SPG11: variants seen among roughly 807,000 people sequenced by gnomAD.
SPG11 encodes the protein SPG11 vesicle trafficking associated, spatacsin.
A neutral mutation model predicts 274.0 loss-of-function variants in SPG11; 222 were observed. The observed-to-expected ratio is 0.81, with a 90% CI of 0.73 to 0.91. The LOEUF (loss-of-function observed/expected upper bound fraction) is 0.91, where lower values mean the gene tolerates loss of function less well. SPG11 is among the 40% of genes least tolerant of loss of function. SPG11 has a pLI of 0.00. For missense variants in SPG11, 3,114 were observed against 2,872.7 expected (o/e 1.08, Z -1.92); for synonymous variants, 1,144 against 1,039.7 (o/e 1.10, Z -1.93).
chr15:44,620,552 CTTTT>C lies in SPG11; in HGVS notation c.2621-153_2621-150del, dbSNP rs137921465. ...TCAGGTCCTCTGTTTTACTATTTTC[CTTTT>C]TTTGAGACAGGATCTCGCTGTGTTG... On this transcript the variant is annotated intron_variant, in intron 14 of 39. Transcript: ENST00000261866. 15,855 of 684,032 alleles carry C rather than the reference CTTTT, an allele frequency of 0.023. 661 individuals are homozygous for C. Among genetic ancestry groups the C allele is most frequent in the African/African-American group, 0.12 (6,662 of 55,094 alleles). 42.4% of individuals were successfully genotyped at this position (684,032 alleles called of 1,614,324 possible).
rs1222135297 is a variant in SPG11, at chr15:44,659,199, C to T, written c.547G>A (p.Ala183Thr). 2 of 1,614,042 alleles carry T rather than the reference C, an allele frequency of 1.2e-6. No individual in the cohort carries two copies. The highest frequency in any genetic ancestry group is 1.7e-5 in the Admixed American group (1 of 60,012). Residue 183 changes from alanine to threonine, a missense_variant, in exon 3 of 40, where the codon GCT (alanine) becomes ACT (threonine). Transcript: ENST00000261866. ...ILHIIFPERD[A>T]AIRVLNCFTL... ...AAACAGTTGAGTACTCTAATTGCAGCATCTCTTTCAGGAAATATAATATGT... is the reference window on the plus strand; with the variant it reads ...AAACAGTTGAGTACTCTAATTGCAGTATCTCTTTCAGGAAATATAATATGT...
intron 2 of SPG11, 42 bp downstream of exon 2, chr15:44,660,390 C>G: frequency 6.3e-7 from 1 of 1,582,346 alleles, no homozygotes; most frequent in South Asian, 1.1e-5. Context: ...ATGGTAATGT[C>G]ACAAATTTAA....
chr15:44,575,159 C>A, intron 30 of SPG11, 118 bp from the exon 31 acceptor site: 1 of 1,290,360 alleles, frequency 7.7e-7, no homozygotes, highest in Non-Finnish European at 1.1e-6. Flanking sequence ...ATTACTCTGA[C>A]TGGGGATAGG....
At chr15:44,585,180 G>T (rs2082730469) in intron 29 of SPG11, among the ~76,000 whole-genome samples, 1 of 151,904 alleles carries the variant, frequency 6.6e-6, no homozygotes, top group Non-Finnish European at 1.5e-5. Context: ...ATCCATTTCT[G>T]AAAGTAATGT....
intron 23 of SPG11, 178 bp from the exon 24 acceptor site, chr15:44,597,121 T>C: frequency 1.5e-6 from 1 of 649,206 alleles, no homozygotes; most frequent in Non-Finnish European, 2.5e-6. Context: ...TTTTTTTTTT[T>C]TTTTTTTTTG....
Position 44,657,084 on chromosome 15 carries a change from C to A in SPG11, c.869+11G>T. 1.2e-6 allele frequency: 2 copies of A among 1,612,088 alleles called. No individual in the cohort carries two copies. Among genetic ancestry groups the A allele is most frequent in the South Asian group, 2.2e-5 (2 of 90,836 alleles). ...TTTACCTCAAATTAGAAACTGCAGT[C>A]ATCTACATACCTGAAATACAAATTT... On this transcript the variant is annotated intron_variant, in intron 4 of 39. Coordinates refer to ENST00000261866, the MANE Select transcript of SPG11 (RefSeq NM_025137.4).
At position 44,621,855 on chromosome 15, in the gene SPG11, A is replaced by G. The variant is rs1567169394; in HGVS notation, c.2524T>C (p.Phe842Leu). The change falls in exon 14 of 40, where the codon TTT becomes CTT. Residue 842 changes from phenylalanine (F) to leucine (L), a missense_variant. Coordinates refer to ENST00000261866, the MANE Select transcript of SPG11 (RefSeq NM_025137.4). ...SFLKYDCKDE[F>L]NKQDHRIVLN... The stretch of plus-strand genomic sequence containing the variant: ...ACAATTCTATGGTCCTGTTTGTTAA[A>G]TTCATCTTTACAATCATATTTCAGG... 1 of 1,613,960 alleles carries G rather than the reference A, an allele frequency of 6.2e-7. No individual in the cohort carries two copies. The highest frequency in any genetic ancestry group is 8.5e-7 in the Non-Finnish European group (1 of 1,179,878).
intron 19 of SPG11, among the ~76,000 whole-genome samples, chr15:44,606,648 T>A (rs529544284): frequency 6.6e-6 from 1 of 152,166 alleles, no homozygotes; most frequent in Admixed American, 6.5e-5. Context: ...CTAGGCCAAA[T>A]GTTTAGCAAA....
chr15:44,636,958 C>CAAAAAAAACA (rs2084292157), intron 7 of SPG11, among the ~76,000 whole-genome samples: 1 of 89,102 alleles, frequency 1.1e-5, no homozygotes, highest in African/African-American at 5.1e-5. Flanking sequence ...AAAAAAAAAA[C>CAAAAAAAACA]AAAAAAAAAA....
At chr15:44,596,660 C>CAAAAAA (rs5812279) in intron 24 of SPG11, 124 bp downstream of exon 24, 36 of 271,374 alleles carry the variant, frequency 1.3e-4, no homozygotes, top group African/African-American at 2.9e-4. Context: ...GTATCCTGGT[C>CAAAAAA]AAAAAAAAAA....
Position 44,569,173 on chromosome 15 carries a change from A to G in SPG11, c.6585+225T>C, listed in dbSNP as rs181117913. Among the ~76,000 whole-genome samples, 82 of 151,696 alleles carry G rather than the reference A, an allele frequency of 5.4e-4. 1 individual carries two copies. The highest frequency in any genetic ancestry group is 1.9e-3 in the African/African-American group (78 of 41,318). On this transcript the variant is annotated intron_variant, in intron 35 of 39. Transcript: ENST00000261866. Reference sequence around the variant, plus strand: ...GAGCGAAACTCCGTCTCAAAAAAAAAAAAAAGAAAAAGAAAAAAAAAATAT... The same window carrying G: ...GAGCGAAACTCCGTCTCAAAAAAAAGAAAAAGAAAAAGAAAAAAAAAATAT...
At chr15:44,656,173 TAC>T (rs776160746) in intron 4 of SPG11, among the ~76,000 whole-genome samples, 45 of 152,168 alleles carry the variant, frequency 3.0e-4, no homozygotes, top group Non-Finnish European at 5.3e-4. Flanking sequence ...GGTTTAAAAA[TAC>T]AGTTGTAAAG....
At chr15:44,574,133 A>C (rs933559166) in intron 31 of SPG11, among the ~76,000 whole-genome samples, 1 of 152,204 alleles carries the variant, frequency 6.6e-6, no homozygotes, top group Non-Finnish European at 1.5e-5. Context: ...CCTCTCGAGC[A>C]GCTGGGGTTA....
At position 44,651,562 on chromosome 15, in the gene SPG11, C is replaced by A. The variant is rs3759872; in HGVS notation, c.1385G>T (p.Cys462Phe). 1.2e-6 allele frequency: 2 copies of A among 1,614,186 alleles called. No homozygotes were observed. Among genetic ancestry groups the A allele is most frequent in the Non-Finnish European group, 1.7e-6 (2 of 1,180,008 alleles). ...LWDLETQGMQ[C>F]FSLGTKCIPV... ...AATACACTTTGTGCCAAGGGAAAAA[C>A]ACTGCATGCCCTGGGTCTCCAAATC... Residue 462 changes from cysteine to phenylalanine, a missense_variant, in exon 6 of 40, where the codon TGT (cysteine) becomes TTT (phenylalanine). Transcript: ENST00000261866.
At chr15:44,584,594 TG>T in intron 29 of SPG11, 36 bp from the exon 30 acceptor site, 1 of 1,599,718 alleles carries the variant, frequency 6.3e-7, no homozygotes, top group East Asian at 2.2e-5. Flanking sequence ...TAGCCTTTCT[TG>T]GATAAAAAAG....
chr15:44,638,169 C>G (rs2084332731), intron 7 of SPG11, among the ~76,000 whole-genome samples: 1 of 152,156 alleles, frequency 6.6e-6, no homozygotes, highest in Admixed American at 6.6e-5. Flanking sequence ...TAGTTATTAA[C>G]TGTAGATCTG....
intron 15 of SPG11, among the ~76,000 whole-genome samples, chr15:44,619,721 A>ATTTT (rs1231420239): frequency 1.5e-5 from 2 of 135,754 alleles, no homozygotes; most frequent in African/African-American, 2.8e-5. Flanking sequence ...AATGCATATG[A>ATTTT]TTTTTTTTTT....
At chr15:44,629,181 T>A (rs2083986730) in intron 9 of SPG11, 52 bp downstream of exon 9, 1 of 1,591,266 alleles carries the variant, frequency 6.3e-7, no homozygotes. Flanking sequence ...CACTTGTATC[T>A]GTTCTGACAC....
Position 44,563,255 on chromosome 15 carries a change from T to C in SPG11, c.7198A>G (p.Lys2400Glu). ...ACATCTTCACAATATGTGAGTAATT[T>C]CTTCAGGTTTTCCATGACCATGTCA... ...PTDMVMENLK[K>E]LLTYCEDVYL... Residue 2400 changes from lysine to glutamate, a missense_variant, in exon 40 of 40, where the codon AAA (lysine) becomes GAA (glutamate). By Grantham distance (56) the Lys-to-Glu change is moderately conservative. Transcript: ENST00000261866. The C allele has an allele frequency of 6.2e-7, 1 of 1,614,098 alleles. No individual in the cohort carries two copies. Among genetic ancestry groups the C allele is most frequent in the Non-Finnish European group, 8.5e-7 (1 of 1,179,918 alleles).
Sources: gnomAD v4.1 joint callset for allele counts (sites outside exome capture counted in the v4.1 genomes callset) on GRCh38, gnomAD v4.1.1 for gene constraint, MANE v1.5 for transcripts, NCBI Gene and HGNC (gene_info 2026-07-23, HGNC 2026-07-21) for gene names.